PTN: variants seen among roughly 807,000 people sequenced by gnomAD.
PTN encodes pleiotrophin.
PTN carries 18 observed loss-of-function variants against 24.1 expected under a neutral mutation model. The ratio of observed to expected loss-of-function variants is 0.75; its 90% confidence interval spans 0.52 to 1.11. The LOEUF is 1.11. PTN is among the 50% of genes least tolerant of loss of function. The pLI is 0.00. For synonymous variants in PTN, 78 were observed against 68.6 expected (o/e 1.14, Z -0.67); for missense variants, 163 against 198.8 (o/e 0.82, Z 1.08).
chr7:137,328,023 AATT>A (rs754473009), intron 1 of PTN, among the ~76,000 whole-genome samples: 36 of 152,212 alleles, frequency 2.4e-4, no homozygotes, highest in Non-Finnish European at 4.7e-4. Flanking sequence ...AAGAAATAAA[AATT>A]ATATTATCAG....
chr7:137,289,557 G>A (rs1374125089), intron 1 of PTN, among the ~76,000 whole-genome samples: 1 of 152,122 alleles, frequency 6.6e-6, no homozygotes, highest in East Asian at 1.9e-4. Context: ...CATTAAATCT[G>A]AGTCTTGTGG....
chr7:137,256,997 A>G (rs1283085123), intron 1 of PTN, among the ~76,000 whole-genome samples: 1 of 152,240 alleles, frequency 6.6e-6, no homozygotes, highest in Non-Finnish European at 1.5e-5. Context: ...ATTATTAAAA[A>G]GTCAAGAAAC....
Position 137,314,713 on chromosome 7 carries a change from G to C in PTN, c.-2+28726C>G, listed in dbSNP as rs539343523. 6.0e-5 allele frequency among the ~76,000 whole-genome samples: 9 copies of C among 150,536 alleles called. No individual in the cohort carries two copies. In the South Asian group the frequency reaches 6.3e-4, roughly 11 times the overall value. On this transcript the variant is annotated intron_variant, in intron 1 of 4. Coordinates refer to ENST00000348225, the MANE Select transcript of PTN (RefSeq NM_002825.7). ...AGGTTCAAACAATTTTCCTGCCTCA[G>C]CTTCCCAAGTAGCTGGGATTACAGG...
chr7:137,255,991 C>T (rs1808915963), intron 1 of PTN, among the ~76,000 whole-genome samples: 1 of 152,056 alleles, frequency 6.6e-6, no homozygotes, highest in Non-Finnish European at 1.5e-5. Flanking sequence ...AGAGGTAGTA[C>T]TAGATTAGTT....
intron 1 of PTN, among the ~76,000 whole-genome samples, chr7:137,314,276 C>T (rs1172168469): frequency 6.6e-6 from 1 of 152,100 alleles, no homozygotes; most frequent in Admixed American, 6.6e-5. Flanking sequence ...ATTAAAGTGG[C>T]CTTAGCAGTA....
chr7:137,264,882 C>T (rs1176280543), intron 1 of PTN, among the ~76,000 whole-genome samples: 1 of 152,024 alleles, frequency 6.6e-6, no homozygotes, highest in African/African-American at 2.4e-5. Context: ...GACATGGGGG[C>T]CAGCCTTTGG....
intron 1 of PTN, among the ~76,000 whole-genome samples, chr7:137,296,972 CA>C (rs1258937702): frequency 3.3e-5 from 5 of 151,928 alleles, no homozygotes; most frequent in African/African-American, 1.2e-4. Context: ...CTTGAATGCA[CA>C]AAAGATTCAA....
chr7:137,333,833 C>A (rs768891079), intron 1 of PTN, among the ~76,000 whole-genome samples: 29 of 152,146 alleles, frequency 1.9e-4, no homozygotes, highest in Admixed American at 3.9e-4. Context: ...GGTACTGGTA[C>A]CAAAACAGAG....
intron 1 of PTN, among the ~76,000 whole-genome samples, chr7:137,263,217 C>T (rs1323270507): frequency 6.6e-6 from 1 of 152,106 alleles, no homozygotes; most frequent in Non-Finnish European, 1.5e-5. Flanking sequence ...TATTATAACT[C>T]TTATTATAAG....
intron 1 of PTN, among the ~76,000 whole-genome samples, chr7:137,279,918 G>A (rs1278756367): frequency 6.6e-6 from 1 of 152,150 alleles, no homozygotes; most frequent in Admixed American, 6.5e-5. Context: ...TTTGAAAAAA[G>A]TTGCTGAGAA....
intron 1 of PTN, among the ~76,000 whole-genome samples, chr7:137,265,647 T>A (rs577250589): frequency 3.9e-5 from 6 of 152,242 alleles, no homozygotes; most frequent in African/African-American, 1.2e-4. Context: ...GGCTGTAGAA[T>A]CCTGGAAAAC....
chr7:137,229,858 A>T (rs1225076654), intron 4 of PTN, among the ~76,000 whole-genome samples: 1 of 151,872 alleles, frequency 6.6e-6, no homozygotes, highest in African/African-American at 2.4e-5. Context: ...CCGAAAAATT[A>T]TTCAGTGTCT....
chr7:137,245,051 TTA>T (rs1177925228), intron 4 of PTN, among the ~76,000 whole-genome samples: 4 of 152,188 alleles, frequency 2.6e-5, no homozygotes, highest in African/African-American at 9.6e-5. Flanking sequence ...GCCAACATCT[TTA>T]TGTTTCATTC....
chr7:137,258,532 G>A (rs1288135798), intron 1 of PTN, among the ~76,000 whole-genome samples: 1 of 152,100 alleles, frequency 6.6e-6, no homozygotes, highest in East Asian at 1.9e-4. Context: ...TATATTTTGA[G>A]AGCTTAGATG....
At chr7:137,246,454 G>T (rs905321886) in intron 4 of PTN, among the ~76,000 whole-genome samples, 7 of 152,138 alleles carry the variant, frequency 4.6e-5, no homozygotes, top group African/African-American at 1.7e-4. Context: ...GTTGTTAAGT[G>T]ACACATGACT....
At chr7:137,265,880 T>C (rs1465975828) in intron 1 of PTN, among the ~76,000 whole-genome samples, 2 of 152,204 alleles carry the variant, frequency 1.3e-5, no homozygotes, top group Non-Finnish European at 2.9e-5. Flanking sequence ...TCTTGTAAAA[T>C]GAATGTTTCC....
chr7:137,295,027 T>G (rs912955379), intron 1 of PTN, among the ~76,000 whole-genome samples: 4 of 152,142 alleles, frequency 2.6e-5, no homozygotes, highest in Non-Finnish European at 5.9e-5. Context: ...CCCAACAATC[T>G]AGATCTCTCC....
intron 4 of PTN, among the ~76,000 whole-genome samples, 173 bp from the exon 5 acceptor site, chr7:137,228,248 T>TG (rs1275346023): frequency 6.6e-6 from 1 of 151,864 alleles, no homozygotes; most frequent in Non-Finnish European, 1.5e-5. Flanking sequence ...TGTGCATGTG[T>TG]GTGTGTGTGT....
intron 1 of PTN, among the ~76,000 whole-genome samples, chr7:137,270,973 C>T (rs1212075883): frequency 6.6e-6 from 1 of 152,142 alleles, no homozygotes; most frequent in Non-Finnish European, 1.5e-5. Flanking sequence ...TCGTTATTCT[C>T]TTCTAAGACA....
Sources: gnomAD v4.1 joint callset for allele counts (sites outside exome capture counted in the v4.1 genomes callset) on GRCh38, gnomAD v4.1.1 for gene constraint, MANE v1.5 for transcripts, NCBI Gene and HGNC (gene_info 2026-07-23, HGNC 2026-07-21) for gene names.